The following MYRIP variants were observed in gnomAD, a reference collection of about 807,000 sequenced individuals.
MYRIP encodes myosin VIIA and Rab interacting protein.
MYRIP carries 49 observed loss-of-function variants against 98.0 expected under a neutral mutation model. That is an observed-to-expected ratio of 0.50 (90% confidence interval 0.40 to 0.63). The LOEUF (loss-of-function observed/expected upper bound fraction) is 0.63, where lower values mean the gene tolerates loss of function less well. Among genes scored for constraint, MYRIP ranks in the 30% least tolerant of loss-of-function variants. The probability of loss-of-function intolerance (pLI) is 0.00; values close to 1 mark genes in which losing one functional copy is unlikely to be tolerated. For synonymous variants in MYRIP, 404 were observed against 409.5 expected (o/e 0.99, Z 0.16); for missense variants, 1,004 against 1,058.2 (o/e 0.95, Z 0.71).
intron 10 of MYRIP, among the ~76,000 whole-genome samples, chr3:40,204,050 ATATT>A (rs1951692906): frequency 3.8e-4 from 2 of 5,236 alleles, no homozygotes; most frequent in African/African-American, 4.7e-4. Context: ...TATATATAAT[ATATT>A]TATATATAAT....
intron 11 of MYRIP, among the ~76,000 whole-genome samples, chr3:40,228,682 ATC>A (rs1259246254): frequency 6.6e-6 from 1 of 152,114 alleles, no homozygotes; most frequent in Non-Finnish European, 1.5e-5. Context: ...AGACAGGAAA[ATC>A]TCTCTTCTGC....
chr3:40,240,200 C>T (rs1236056469), intron 12 of MYRIP, among the ~76,000 whole-genome samples: 4 of 151,566 alleles, frequency 2.6e-5, no homozygotes, highest in Non-Finnish European at 4.4e-5. Context: ...TCAGGTTTGT[C>T]AAAGATCAGA....
intron 12 of MYRIP, among the ~76,000 whole-genome samples, chr3:40,243,251 T>G (rs1953082172): frequency 6.6e-6 from 1 of 152,138 alleles, no homozygotes; most frequent in Non-Finnish European, 1.5e-5. Context: ...GCAAATTTGC[T>G]TTCATCAAAC....
chr3:39,836,385 T>C (rs1575288154), intron 1 of MYRIP, among the ~76,000 whole-genome samples: 1 of 152,242 alleles, frequency 6.6e-6, no homozygotes, highest in South Asian at 2.1e-4. Flanking sequence ...GCCACATAAA[T>C]GTCTTCTTTT....
intron 2 of MYRIP, among the ~76,000 whole-genome samples, chr3:40,018,030 A>C (rs2125803406): frequency 6.6e-6 from 1 of 152,274 alleles, no homozygotes; most frequent in East Asian, 1.9e-4. Context: ...TTAAACTAGA[A>C]GTTTTCTCGT....
chr3:39,840,812 G>A (rs1941777474), intron 1 of MYRIP, among the ~76,000 whole-genome samples: 1 of 152,172 alleles, frequency 6.6e-6, no homozygotes, highest in South Asian at 2.1e-4. Context: ...GGCTTGTAGG[G>A]TTTCTGCAGA....
chr3:40,000,627 T>C lies in MYRIP; in HGVS notation c.111-43423T>C, dbSNP rs549931105. Among the ~76,000 whole-genome samples the C allele has an allele frequency of 1.5e-4, 23 of 152,320 alleles. 1 individual carries two copies. The highest frequency in any genetic ancestry group is 3.9e-4 in the Admixed American group (6 of 15,290). On this transcript the variant is annotated intron_variant, in intron 2 of 16. Transcript: ENST00000302541. ...TGTGCCTGGGAGGTACTTGAGGGAC[T>C]TGATGATTTGTGACTTGCTTTCGTC...
chr3:40,220,324 A>G (rs1007729837), intron 11 of MYRIP, among the ~76,000 whole-genome samples: 1 of 152,080 alleles, frequency 6.6e-6, no homozygotes, highest in Admixed American at 6.5e-5. Context: ...TGCTGTGCAG[A>G]AGCTGTTTAG....
At chr3:39,866,010 T>C in intron 1 of MYRIP, among the ~76,000 whole-genome samples, 1 of 152,088 alleles carries the variant, frequency 6.6e-6, no homozygotes. Context: ...AGAATGAGAT[T>C]ACGTCCTTTG....
At chr3:40,081,145 C>T (rs1948470912) in intron 3 of MYRIP, among the ~76,000 whole-genome samples, 1 of 152,066 alleles carries the variant, frequency 6.6e-6, no homozygotes, top group Non-Finnish European at 1.5e-5. Flanking sequence ...TTTAGACTTA[C>T]CTGCCCATGT....
intron 10 of MYRIP, among the ~76,000 whole-genome samples, chr3:40,196,008 G>T (rs1951377593): frequency 6.6e-6 from 1 of 151,750 alleles, no homozygotes; most frequent in African/African-American, 2.4e-5. Flanking sequence ...CAAATGTATT[G>T]ATATTATACC....
intron 3 of MYRIP, among the ~76,000 whole-genome samples, chr3:40,139,428 G>C (rs1949848713): frequency 6.6e-6 from 1 of 152,082 alleles, no homozygotes; most frequent in Non-Finnish European, 1.5e-5. Flanking sequence ...CTGGCTCCAT[G>C]TAAACAATGA....
intron 3 of MYRIP, among the ~76,000 whole-genome samples, chr3:40,137,085 G>T (rs1475570485): frequency 6.6e-6 from 1 of 152,150 alleles, no homozygotes; most frequent in African/African-American, 2.4e-5. Flanking sequence ...AAAAATCAAT[G>T]AATCCAGTAG....
rs372192317 is a variant in MYRIP at position 40,192,328 on chromosome 3, C to CATAT, written c.1665+1874_1665+1877dup. Among the ~76,000 whole-genome samples, 329 of 37,728 alleles carry CATAT rather than the reference C, an allele frequency of 8.7e-3. 4 individuals are homozygous for CATAT. The highest frequency in any genetic ancestry group is 0.012 in the Non-Finnish European group (280 of 23,522). The allele number at this position is 37,728 out of a possible 152,430, so 24.8% of individuals were successfully genotyped here. The stretch of plus-strand genomic sequence containing the variant: ...TTTCTTCATATATATATATATATGT[C>CATAT]ATATATATATATGTCATATATATAT... On this transcript the variant is annotated intron_variant, in intron 10 of 16. Transcript: ENST00000302541.
At chr3:40,030,326 T>A (rs1366098155) in intron 2 of MYRIP, among the ~76,000 whole-genome samples, 7 of 152,094 alleles carry the variant, frequency 4.6e-5, no homozygotes, top group Non-Finnish European at 7.4e-5. Flanking sequence ...TGTAATTTTT[T>A]AAAATGCAGA....
chr3:40,145,509 T>C (rs1023472510), intron 3 of MYRIP, among the ~76,000 whole-genome samples: 1 of 152,210 alleles, frequency 6.6e-6, no homozygotes, highest in African/African-American at 2.4e-5. Context: ...CTGAGCTGCA[T>C]TTGGGACCAG....
chr3:39,877,202 T>C (rs925006188), intron 1 of MYRIP, among the ~76,000 whole-genome samples: 2 of 152,208 alleles, frequency 1.3e-5, no homozygotes, highest in Admixed American at 1.3e-4. Context: ...CCAGCTCCTT[T>C]AAGCACTTCT....
In MYRIP at chr3:40,252,932, G is replaced by A. The variant is rs957728353; in HGVS notation, c.2547+933G>A. Among the ~76,000 whole-genome samples the A allele has an allele frequency of 2.6e-5, 4 of 152,100 alleles. 1 individual carries two copies. Among genetic ancestry groups the A allele is most frequent in the Non-Finnish European group, 5.9e-5 (4 of 68,032 alleles). ...AAAAGCAGCCACCGATTAAGAAAGC[G>A]TTTAAGCTCAACAGCTAACTATCTT... On this transcript the variant is annotated intron_variant, in intron 16 of 16. Transcript: ENST00000302541.
At chr3:40,029,023 C>A (rs1014018763) in intron 2 of MYRIP, among the ~76,000 whole-genome samples, 11 of 152,074 alleles carry the variant, frequency 7.2e-5, no homozygotes, top group African/African-American at 2.7e-4. Context: ...ACTCATAAAG[C>A]TCAAGTTATC....
Sources: allele counts gnomAD v4.1 joint callset (sites outside exome capture counted in the v4.1 genomes callset), GRCh38; gene constraint gnomAD v4.1.1; transcripts MANE v1.5; gene names NCBI Gene and HGNC (gene_info 2026-07-23, HGNC 2026-07-21).